The following LATS1 variants were observed in gnomAD, a reference collection of about 807,000 sequenced individuals.
The protein encoded by LATS1 is serine/threonine-protein kinase LATS1.
Under a neutral mutation model 106.6 loss-of-function variants are expected in LATS1, and 25 were observed. That is an observed-to-expected ratio of 0.23 (90% CI 0.17 to 0.33). The LOEUF (loss-of-function observed/expected upper bound fraction) is 0.33. LATS1 is among the 10% of genes least tolerant of loss of function. The pLI is 1.00. For synonymous variants in LATS1, 465 were observed against 455.6 expected (o/e 1.02, Z -0.26); for missense variants, 1,040 against 1,382.6 (o/e 0.75, Z 3.93).
chr6:149,658,953 T>C lies in LATS1; in HGVS notation c.*2776A>G, dbSNP rs1007095671. 6.6e-6 allele frequency: 1 copy of C among 152,164 alleles called. No individual in the cohort carries two copies. The highest frequency in any genetic ancestry group is 6.5e-5 in the Admixed American group (1 of 15,270). 9.4% of individuals were successfully genotyped at this position (152,164 alleles called of 1,614,324 possible). A position where few individuals can be genotyped will look rare whatever the true frequency, so the allele number is the denominator to read the frequency against. On this transcript the variant is annotated 3_prime_UTR_variant, in exon 8 of 8. Transcript: ENST00000543571. Reference sequence around the variant, plus strand: ...TAAAAGAAAACATATAGAACCAATGTTTTCACTCCATTTCAATGGAAAGCA... The same window carrying C: ...TAAAAGAAAACATATAGAACCAATGCTTTCACTCCATTTCAATGGAAAGCA...
rs185413232 is a variant in LATS1 at position 149,676,501 on chromosome 6, C to T, written c.2776+54G>A. 212 of 1,529,936 alleles carry T rather than the reference C, an allele frequency of 1.4e-4. 1 individual carries two copies. Among genetic ancestry groups the T allele is most frequent in the Non-Finnish European group, 1.6e-4 (183 of 1,111,640 alleles). 94.8% of individuals were successfully genotyped at this position (1,529,936 alleles called of 1,614,324 possible). On this transcript the variant is annotated intron_variant, in intron 6 of 7. Transcript: ENST00000543571. Reference sequence around the variant, plus strand: ...TGAAAAATAAGGCATATTCTAGTGTCGTTTTGGCTGGTCTAAAGGTCTACT... The same window carrying T: ...TGAAAAATAAGGCATATTCTAGTGTTGTTTTGGCTGGTCTAAAGGTCTACT...
At chr6:149,670,171 C>CAAAAA (rs1177166262) in intron 7 of LATS1, among the ~76,000 whole-genome samples, 437 of 29,974 alleles carry the variant, frequency 0.015, no homozygotes, top group Non-Finnish European at 0.029. Flanking sequence ...AATTGCATCT[C>CAAAAA]AAAAAAAAAA....
intron 1 of LATS1, among the ~76,000 whole-genome samples, chr6:149,706,585 T>A (rs1783786277): frequency 6.6e-6 from 1 of 152,228 alleles, no homozygotes; most frequent in South Asian, 2.1e-4. Context: ...AAAGGGATGC[T>A]GCAGATGTGA....
chr6:149,660,665 G>T lies in LATS1; in HGVS notation c.*1064C>A. 4.3e-6 allele frequency: 1 copy of T among 230,924 alleles called. No individual in the cohort carries two copies. The highest frequency in any genetic ancestry group is 6.2e-5 in the East Asian group (1 of 16,106). 14.3% of individuals were successfully genotyped at this position (230,924 alleles called of 1,614,324 possible). ...TATTGAACCTTAAATAAATTAGGAG[G>T]ACTTGAATTTTCTACTAAGACCACT... On this transcript the variant is annotated 3_prime_UTR_variant, in exon 8 of 8. Coordinates refer to ENST00000543571, the MANE Select transcript of LATS1 (RefSeq NM_004690.4).
intron 7 of LATS1, among the ~76,000 whole-genome samples, chr6:149,673,907 T>G (rs1038907173): frequency 6.6e-6 from 1 of 151,740 alleles, no homozygotes; most frequent in African/African-American, 2.4e-5. Context: ...ACTCCCGACT[T>G]CAGGTGATCC....
At chr6:149,685,248 T>A (rs952731407) in intron 3 of LATS1, among the ~76,000 whole-genome samples, 1 of 151,906 alleles carries the variant, frequency 6.6e-6, no homozygotes, top group African/African-American at 2.4e-5. Context: ...AAAAAAAATA[T>A]ATATATATTT....
chr6:149,680,724 C>T (rs1295343287), intron 4 of LATS1, among the ~76,000 whole-genome samples: 2 of 141,174 alleles, frequency 1.4e-5, no homozygotes, highest in African/African-American at 5.3e-5. Context: ...AAGCTTTCTA[C>T]TCTTCTCTAA....
At chr6:149,679,793 G>T in intron 5 of LATS1, 82 bp downstream of exon 5, 1 of 1,058,616 alleles carries the variant, frequency 9.4e-7, no homozygotes, top group Non-Finnish European at 1.4e-6. Context: ...CTCATCCAGT[G>T]ATGATACCAT....
In LATS1 at chr6:149,679,531, G is replaced by A. The variant is rs181660928; in HGVS notation, c.2593+344C>T. ...GGTGCCACTGCACTCCAGCCTGGGCGACAGAGCGAGACTCCATCAAAAAAA... is the reference window on the plus strand; with the variant it reads ...GGTGCCACTGCACTCCAGCCTGGGCAACAGAGCGAGACTCCATCAAAAAAA... On this transcript the variant is annotated intron_variant, in intron 5 of 7. Coordinates refer to ENST00000543571, the MANE Select transcript of LATS1 (RefSeq NM_004690.4). Among the ~76,000 whole-genome samples, 1,158 of 143,194 alleles carry A rather than the reference G, an allele frequency of 8.1e-3. 13 individuals are homozygous for A. Among genetic ancestry groups the A allele is most frequent in the African/African-American group, 0.028 (1,060 of 37,946 alleles). The allele number at this position is 143,194 out of a possible 152,430, so 93.9% of individuals were successfully genotyped here.
chr6:149,663,240 T>C (rs1164372554), intron 7 of LATS1, among the ~76,000 whole-genome samples: 2 of 152,182 alleles, frequency 1.3e-5, no homozygotes, highest in Non-Finnish European at 2.9e-5. Flanking sequence ...CCTAGCACTT[T>C]GGGAGGCCGA....
intron 7 of LATS1, among the ~76,000 whole-genome samples, chr6:149,666,811 G>A (rs371878790): frequency 1.1e-4 from 16 of 151,872 alleles, no homozygotes; most frequent in South Asian, 2.1e-4. Flanking sequence ...GCGTGGTGGT[G>A]GGCGCCTGTA....
intron 3 of LATS1, among the ~76,000 whole-genome samples, chr6:149,690,869 T>C (rs1290459291): frequency 6.6e-6 from 1 of 152,224 alleles, no homozygotes; most frequent in Non-Finnish European, 1.5e-5. Context: ...TAATTTATTG[T>C]ATGTTATAAA....
intron 7 of LATS1, among the ~76,000 whole-genome samples, chr6:149,671,583 C>A (rs780799574): frequency 2.6e-5 from 4 of 152,004 alleles, no homozygotes; most frequent in Non-Finnish European, 2.9e-5. Context: ...TTCCATTGAT[C>A]TAAGTGTGTA....
intron 1 of LATS1, among the ~76,000 whole-genome samples, chr6:149,706,768 G>A (rs1359987105): frequency 1.3e-5 from 2 of 152,224 alleles, no homozygotes; most frequent in Non-Finnish European, 2.9e-5. Flanking sequence ...AGCTGGAAGT[G>A]GCAAGGGACA....
At chr6:149,693,080 T>C (rs1256730892) in intron 3 of LATS1, among the ~76,000 whole-genome samples, 1 of 151,404 alleles carries the variant, frequency 6.6e-6, no homozygotes, top group African/African-American at 2.4e-5. Context: ...CTGATCTACA[T>C]GGTGAAACCC....
intron 3 of LATS1, among the ~76,000 whole-genome samples, chr6:149,688,021 C>T (rs1345122305): frequency 6.6e-6 from 1 of 151,572 alleles, no homozygotes; most frequent in African/African-American, 2.4e-5. Flanking sequence ...ACTACAGGCG[C>T]CCACCACCAC....
intron 3 of LATS1, 28 bp downstream of exon 3, chr6:149,695,046 T>G (rs750067408): frequency 3.0e-5 from 47 of 1,551,254 alleles, no homozygotes; most frequent in Non-Finnish European, 3.9e-5. Flanking sequence ...AAAGAAGAGA[T>G]GAGAAAATAA....
At position 149,662,010 on chromosome 6, in the gene LATS1, T is replaced by C; in HGVS notation, c.3112A>G (p.Asn1038Asp). ...TTATCAGGATCAACAGGATCAAAAT[T>C]TGATGTATCTGTTGGGTGTGTGATT... ...PKITHPTDTS[N>D]FDPVDPDKLW... The change falls in exon 8 of 8, where the codon AAT becomes GAT. Residue 1038 changes from asparagine to aspartate, a missense_variant. Around this residue, in one of 7 missense-constraint regions of LATS1, gnomAD observed 113 missense variants for 146.3 expected, o/e 0.77. Coordinates refer to ENST00000543571, the MANE Select transcript of LATS1 (RefSeq NM_004690.4). 6.2e-7 allele frequency: 1 copy of C among 1,614,194 alleles called. No individual in the cohort carries two copies. The highest frequency in any genetic ancestry group is 8.5e-7 in the Non-Finnish European group (1 of 1,180,026).
intron 2 of LATS1, among the ~76,000 whole-genome samples, chr6:149,700,584 A>T (rs1487737822): frequency 1.3e-5 from 2 of 152,296 alleles, no homozygotes; most frequent in Non-Finnish European, 1.5e-5. Context: ...AATTAAATAC[A>T]GATATATATG....
Sources: gnomAD v4.1 joint callset for allele counts (sites outside exome capture counted in the v4.1 genomes callset) on GRCh38, gnomAD v4.1.1 for gene constraint, gnomAD v4.1.1 regional missense constraint, MANE v1.5 for transcripts, NCBI Gene and HGNC (gene_info 2026-07-23, HGNC 2026-07-21) for gene names.